SYPL2: variants seen among roughly 807,000 people sequenced by gnomAD.
The protein encoded by SYPL2 is synaptophysin-like protein 2.
In SYPL2, 24 loss-of-function variants were observed where a neutral mutation model predicts 31.3. The observed-to-expected ratio is 0.77, with a 90% CI of 0.56 to 1.08. The LOEUF is 1.08. Ranked by LOEUF, SYPL2 falls within the 50% of genes least tolerant of loss-of-function variation. The pLI, the probability that SYPL2 is intolerant of heterozygous loss-of-function variation, is 0.00. For synonymous variants in SYPL2, 144 were observed against 143.1 expected (o/e 1.01, Z -0.05); for missense variants, 342 against 360.1 (o/e 0.95, Z 0.41).
intron 4 of SYPL2, among the ~76,000 whole-genome samples, chr1:109,477,581 TA>T (rs1208783823): frequency 6.6e-6 from 1 of 152,104 alleles, no homozygotes; most frequent in East Asian, 1.9e-4. Context: ...GATGCCTTGG[TA>T]CACTGTTGCC....
At chr1:109,468,414 C>A (rs60832882) in intron 2 of SYPL2, among the ~76,000 whole-genome samples, 2,723 of 152,220 alleles carry the variant, frequency 0.018, 91 homozygotes, top group African/African-American at 0.062. Flanking sequence ...GATTATCGGG[C>A]CAGCCTGGGA....
intron 5 of SYPL2, 127 bp from the exon 6 acceptor site, chr1:109,479,251 A>G: frequency 1.9e-6 from 2 of 1,026,218 alleles, no homozygotes; most frequent in South Asian, 1.5e-5. Context: ...TCTCTGTCTT[A>G]GTCTTTCTAG....
intron 2 of SYPL2, among the ~76,000 whole-genome samples, chr1:109,471,223 T>C (rs561405136): frequency 6.6e-6 from 1 of 152,374 alleles, no homozygotes; most frequent in African/African-American, 2.4e-5. Flanking sequence ...CCTTTTGTTC[T>C]GCTGTTCTGT....
intron 2 of SYPL2, among the ~76,000 whole-genome samples, chr1:109,473,728 T>TA (rs922322024): frequency 4.0e-5 from 6 of 151,364 alleles, no homozygotes; most frequent in Admixed American, 6.6e-5. Context: ...CCGTCTCTAC[T>TA]AAAAAAAATA....
rs769414439 is a variant in SYPL2, at chr1:109,479,486, G to A, written c.757G>A (p.Asp253Asn). The A allele has an allele frequency of 5.6e-6, 9 of 1,614,070 alleles. No individual in the cohort carries two copies. The highest frequency in any genetic ancestry group is 7.6e-6 in the Non-Finnish European group (9 of 1,180,024). ...GQGQDQDQDQ[D>N]QGQGPSQESA... ...GGGCCAGGACCAGGACCAGGACCAG[G>A]ACCAGGGCCAGGGTCCCAGCCAGGA... The change falls in exon 6 of 6, where the codon GAC becomes AAC. Residue 253 changes from aspartate to asparagine, a missense_variant. By Grantham distance (23) the Asp-to-Asn change is conservative (BLOSUM62 1). Transcript: ENST00000369872.
In SYPL2 at chr1:109,478,110, G is replaced by C; in HGVS notation, c.648+101G>C. On this transcript the variant is annotated intron_variant, in intron 5 of 5. Transcript: ENST00000369872. This position sits in a 1 kb window ranked among gnomAD's most constrained non-coding sequence, Gnocchi z 4.0. ...GGAAAGAGAGGGTGTCCCAGAGCTGGTGTCCCCTGCACCTGGAGCTGGTGC... is the reference window on the plus strand; with the variant it reads ...GGAAAGAGAGGGTGTCCCAGAGCTGCTGTCCCCTGCACCTGGAGCTGGTGC... 6.6e-7 allele frequency: 1 copy of C among 1,510,244 alleles called. No homozygotes were observed. Among genetic ancestry groups the C allele is most frequent in the Non-Finnish European group, 8.9e-7 (1 of 1,129,668 alleles). 93.6% of individuals were successfully genotyped at this position (1,510,244 alleles called of 1,614,324 possible).
chr1:109,479,594 AC>A lies in SYPL2; in HGVS notation c.*48del. ...TCCCGAACTGGACAGCACCTCTTCA[AC>A]CACCTCCGGCTTCCAGGACCTTTCT... On this transcript the variant is annotated 3_prime_UTR_variant, in exon 6 of 6. Coordinates refer to ENST00000369872, the MANE Select transcript of SYPL2 (RefSeq NM_001040709.2). 2 of 1,586,972 alleles carry A rather than the reference AC, an allele frequency of 1.3e-6. No homozygotes were observed. Among genetic ancestry groups the A allele is most frequent in the Non-Finnish European group, 1.7e-6 (2 of 1,162,772 alleles).
intron 2 of SYPL2, among the ~76,000 whole-genome samples, chr1:109,467,458 C>T (rs1655688432): frequency 6.6e-6 from 1 of 152,132 alleles, no homozygotes; most frequent in Admixed American, 6.5e-5. Flanking sequence ...ACATACCACT[C>T]CTTGGTGACG....
chr1:109,474,596 C>T (rs1246948784), intron 2 of SYPL2, among the ~76,000 whole-genome samples: 1 of 152,102 alleles, frequency 6.6e-6, no homozygotes, highest in Non-Finnish European at 1.5e-5. Flanking sequence ...CCGCCTCAGC[C>T]TCCCAAAGTG....
chr1:109,480,564 AC>A lies in SYPL2; in HGVS notation c.*1018del, dbSNP rs1656133654. The stretch of plus-strand genomic sequence containing the variant: ...ACAGGGGCTTAGGAAGGGCCAAAGG[AC>A]CATCATGAGGCTAAGTTGCCCCAGA... On this transcript the variant is annotated 3_prime_UTR_variant, in exon 6 of 6. Transcript: ENST00000369872. 1 of 152,256 alleles carries A rather than the reference AC, an allele frequency of 6.6e-6. No homozygotes were observed. The highest frequency in any genetic ancestry group is 2.4e-5 in the African/African-American group (1 of 41,374). The allele number at this position is 152,256 out of a possible 1,614,324, so 9.4% of individuals were successfully genotyped here.
rs1300751820 is a variant in SYPL2 at position 109,467,080 on chromosome 1, C to T, written c.76C>T (p.Leu26=). ...RQQVDRLLVG[L]RWRRLEEPLG... is the part of the protein sequence containing the mutation. ...GCAGGTGGACCGCCTACTCGTGGGG[C>T]TGCGCTGGCGGCGGCTGGAGGAGCC... is the stretch of plus-strand genomic sequence containing the variant. The change falls in exon 2 of 6, where the codon CTG becomes TTG. Residue 26 remains leucine (L), a synonymous_variant. Transcript: ENST00000369872. The T allele has an allele frequency of 1.3e-6, 2 of 1,545,462 alleles. No homozygotes were observed. Among genetic ancestry groups the T allele is most frequent in the South Asian group, 2.4e-5 (2 of 83,864 alleles).
chr1:109,469,859 TAAAAC>T (rs1256791488), intron 2 of SYPL2, among the ~76,000 whole-genome samples: 10 of 122,288 alleles, frequency 8.2e-5, no homozygotes, highest in Non-Finnish European at 1.4e-4. Flanking sequence ...AAAAGGAAAA[TAAAAC>T]AAAAGAAAAA....
intron 2 of SYPL2, among the ~76,000 whole-genome samples, chr1:109,467,573 C>G (rs529295133): frequency 6.6e-5 from 10 of 152,082 alleles, no homozygotes; most frequent in African/African-American, 2.4e-4. Flanking sequence ...CGTCCTGCCC[C>G]CAAACCCACC....
intron 4 of SYPL2, 36 bp from the exon 5 acceptor site, chr1:109,477,782 T>C (rs1211504974): frequency 2.6e-6 from 4 of 1,556,578 alleles, no homozygotes; most frequent in Non-Finnish European, 3.5e-6. Flanking sequence ...CATGGGGCCT[T>C]TCTGAGTGTA....
chr1:109,476,013 C>T (rs964182629), intron 3 of SYPL2, among the ~76,000 whole-genome samples: 3 of 152,162 alleles, frequency 2.0e-5, no homozygotes, highest in Non-Finnish European at 4.4e-5. Context: ...CTTACAGGAA[C>T]CTGGACAAGC....
chr1:109,478,892 T>C lies in SYPL2; in HGVS notation c.649-486T>C, dbSNP rs1656078289. 6.6e-6 allele frequency among the ~76,000 whole-genome samples: 1 copy of C among 152,250 alleles called. No homozygotes were observed. Among genetic ancestry groups the C allele is most frequent in the South Asian group, 2.1e-4 (1 of 4,834 alleles). On this transcript the variant is annotated intron_variant, in intron 5 of 5. Coordinates refer to ENST00000369872, the MANE Select transcript of SYPL2 (RefSeq NM_001040709.2). This position sits in a 1 kb window ranked among gnomAD's most constrained non-coding sequence, Gnocchi z 4.0. ...AAGATAATTTGGGACATCAGTACAC[T>C]TCCCTCTAAGTACTTCCTGCTGTGA...
At chr1:109,476,606 G>A (rs1429157312) in intron 3 of SYPL2, among the ~76,000 whole-genome samples, 170 bp from the exon 4 acceptor site, 2 of 152,106 alleles carry the variant, frequency 1.3e-5, no homozygotes, top group Non-Finnish European at 2.9e-5. Context: ...TGGAAATTTC[G>A]GGGGAGTTCC....
rs1656051266 is a variant in SYPL2 at position 109,477,937 on chromosome 1, A to G, written c.576A>G (p.Ser192=). 1 of 1,614,200 alleles carries G rather than the reference A, an allele frequency of 6.2e-7. No individual in the cohort carries two copies. The highest frequency in any genetic ancestry group is 1.1e-5 in the South Asian group (1 of 91,082). The part of the protein sequence containing the change: ...TRPSSLTAAM[S]VCHGEEAVCS... ...CATCCAGCTTGACAGCAGCCATGTC[A>G]GTGTGCCATGGAGAGGAAGCAGTGT... Residue 192 remains serine, a synonymous_variant, in exon 5 of 6, where the codon TCA becomes TCG. Coordinates refer to ENST00000369872, the MANE Select transcript of SYPL2 (RefSeq NM_001040709.2).
intron 2 of SYPL2, among the ~76,000 whole-genome samples, chr1:109,472,618 T>C (rs1480011921): frequency 3.5e-5 from 5 of 144,640 alleles, no homozygotes; most frequent in African/African-American, 1.3e-4. Flanking sequence ...TTTTTTTTTT[T>C]TTTTTTTTTT....
Sources: gnomAD v4.1 joint callset for allele counts (sites outside exome capture counted in the v4.1 genomes callset) on GRCh38, gnomAD v4.1.1 for gene constraint, Gnocchi (gnomAD v3.1) non-coding constraint, MANE v1.5 for transcripts, NCBI Gene and HGNC (gene_info 2026-07-23, HGNC 2026-07-21) for gene names.